Variants in RASSF10 observed in about 807,000 individuals in gnomAD.
The protein encoded by RASSF10 is Ras association domain family member 10.
A neutral mutation model predicts 41.5 loss-of-function variants in RASSF10; 22 were observed. The observed-to-expected ratio is 0.53, with a 90% CI of 0.38 to 0.76. The LOEUF (loss-of-function observed/expected upper bound fraction) is 0.76. Among genes scored for constraint, RASSF10 ranks in the 30% least tolerant of loss-of-function variants. The pLI is 0.00. For synonymous variants in RASSF10, 364 were observed against 319.0 expected (o/e 1.14, Z -1.50); for missense variants, 776 against 711.8 (o/e 1.09, Z -1.03).
In RASSF10 at chr11:13,010,419, A is replaced by C; in HGVS notation, c.843A>C (p.Ala281=). The C allele has an allele frequency of 6.5e-7, 1 of 1,547,516 alleles. No individual in the cohort carries two copies. Among genetic ancestry groups the C allele is most frequent in the Middle Eastern group, 1.7e-4 (1 of 5,910 alleles). ...NYVQDTYLVG[A]GIELDGSRPG... is the part of the protein sequence containing the mutation. ...TGCAGGACACTTACTTGGTTGGGGC[A>C]GGCATCGAGCTCGACGGGTCCAGAC... The change falls in exon 1 of 1, where the codon GCA becomes GCC. Residue 281 remains alanine (A), a synonymous_variant. Transcript: ENST00000529419. The surrounding 1 kb of genome is among the most constrained non-coding windows in gnomAD (Gnocchi z 4.8).
In RASSF10 at chr11:13,009,738, G is replaced by A. The variant is rs1322238835; in HGVS notation, c.162G>A (p.Ser54=). The A allele has an allele frequency of 1.9e-6, 3 of 1,579,792 alleles. No homozygotes were observed. The highest frequency in any genetic ancestry group is 2.3e-5 in the South Asian group (2 of 87,286). The change falls in exon 1 of 1, where the codon TCG becomes TCA. Residue 54 remains serine (S), a synonymous_variant. Transcript: ENST00000529419. ...AGCGGCGGAGCCGGCGGCTGGGGTC[G>A]GCCGGCGACCCGCATGGCCCGGGAG... ...RRQRRSRRLG[S]AGDPHGPGEL...
At position 13,011,964 on chromosome 11, in the gene RASSF10, A is replaced by C. The variant is rs1203364647; in HGVS notation, c.*864A>C. On this transcript the variant is annotated 3_prime_UTR_variant, in exon 1 of 1. Coordinates refer to ENST00000529419, the MANE Select transcript of RASSF10 (RefSeq NM_001080521.3). Reference sequence around the variant, plus strand: ...TCATTGACTCAATCACTGTTATTTCAGAAAAAAATAAAAGGAAGTAGCAGA... The same window carrying C: ...TCATTGACTCAATCACTGTTATTTCCGAAAAAAATAAAAGGAAGTAGCAGA... The C allele has an allele frequency of 1.3e-5, 2 of 152,250 alleles. No homozygotes were observed. Among genetic ancestry groups the C allele is most frequent in the African/African-American group, 4.8e-5 (2 of 41,474 alleles). 9.4% of individuals were successfully genotyped at this position (152,250 alleles called of 1,614,324 possible). A position where few individuals can be genotyped will look rare whatever the true frequency, so the allele number is the denominator to read the frequency against.
chr11:13,010,528 G>C lies in RASSF10; in HGVS notation c.952G>C (p.Ala318Pro). ...TCTAGCCGGCGAGGCGCAGGCGGCGGCGCTGGAGGAGCTGGCCCGGCGCTG... is the reference window on the plus strand; with the variant it reads ...TCTAGCCGGCGAGGCGCAGGCGGCGCCGCTGGAGGAGCTGGCCCGGCGCTG... ...PPLAGEAQAA[A>P]LEELARRCDD... The change falls in exon 1 of 1, where the codon GCG becomes CCG. Residue 318 changes from alanine (A) to proline (P), a missense_variant. Transcript: ENST00000529419. This position sits in a 1 kb window ranked among gnomAD's most constrained non-coding sequence, Gnocchi z 4.8. The C allele has an allele frequency of 6.6e-7, 1 of 1,523,918 alleles. No individual in the cohort carries two copies. The allele number at this position is 1,523,918 out of a possible 1,614,324, so 94.4% of individuals were successfully genotyped here.
chr11:13,009,647 G>A lies in RASSF10; in HGVS notation c.71G>A (p.Arg24His), dbSNP rs752932996. 27 of 1,607,512 alleles carry A rather than the reference G, an allele frequency of 1.7e-5. No homozygotes were observed. The highest frequency in any genetic ancestry group is 8.5e-7 in the Non-Finnish European group (1 of 1,177,556). ...GAGAAGCTGGTGTCCGGCCTCTCCC[G>A]CCGCACCACTTGCTCCGACGTTGTG... The part of the protein sequence containing the change: ...QEEKLVSGLS[R>H]RTTCSDVVRV... The change falls in exon 1 of 1, where the codon CGC becomes CAC. Residue 24 changes from arginine (R) to histidine (H), a missense_variant. By Grantham distance (29) the Arg-to-His change is conservative. Transcript: ENST00000529419.
At position 13,009,535 on chromosome 11, in the gene RASSF10, G is replaced by T; in HGVS notation, c.-42G>T. 1 of 1,586,618 alleles carries T rather than the reference G, an allele frequency of 6.3e-7. No homozygotes were observed. The highest frequency in any genetic ancestry group is 8.6e-7 in the Non-Finnish European group (1 of 1,164,974). ...TGCCCTTGCTGTCCTCGCCGCCCCAGCAGACCCCGGCCGGACCTGCCACCT... is the reference window on the plus strand; with the variant it reads ...TGCCCTTGCTGTCCTCGCCGCCCCATCAGACCCCGGCCGGACCTGCCACCT... On this transcript the variant is annotated 5_prime_UTR_variant, in exon 1 of 1. Transcript: ENST00000529419.
In RASSF10 at chr11:13,011,358, C is replaced by T. The variant is rs114447292; in HGVS notation, c.*258C>T. The T allele has an allele frequency of 1.3e-3, 534 of 419,644 alleles. 2 individuals are homozygous for T. The highest frequency in any genetic ancestry group is 9.3e-3 in the African/African-American group (476 of 51,456). The allele number at this position is 419,644 out of a possible 1,614,324, so 26.0% of individuals were successfully genotyped here. A position where few individuals can be genotyped will look rare whatever the true frequency, so the allele number is the denominator to read the frequency against. ...AGGGAGGAGGCAAGAACCCCCTATA[C>T]TGGAAAACAAACAACCCAAGGAAAT... On this transcript the variant is annotated 3_prime_UTR_variant, in exon 1 of 1. Coordinates refer to ENST00000529419, the MANE Select transcript of RASSF10 (RefSeq NM_001080521.3).
At position 13,010,566 on chromosome 11, in the gene RASSF10, G is replaced by C; in HGVS notation, c.990G>C (p.Leu330=). 1.3e-6 allele frequency: 2 copies of C among 1,551,332 alleles called. No homozygotes were observed. The highest frequency in any genetic ancestry group is 1.7e-6 in the Non-Finnish European group (2 of 1,146,348). ...TGGCCCGGCGCTGCGACGACTTGCT[G>C]CGGCTTCAGGAGCAACGGGTTCAGC... ...EELARRCDDL[L]RLQEQRVQQE... is the part of the protein sequence containing the mutation. Residue 330 remains leucine, a synonymous_variant, in exon 1 of 1, where the codon CTG becomes CTC. Transcript: ENST00000529419. The surrounding 1 kb of genome is among the most constrained non-coding windows in gnomAD (Gnocchi z 4.8).
Position 13,009,697 on chromosome 11 carries a change from C to G in RASSF10, c.121C>G (p.Arg41Gly). 1 of 1,593,874 alleles carries G rather than the reference C, an allele frequency of 6.3e-7. No individual in the cohort carries two copies. The highest frequency in any genetic ancestry group is 8.5e-7 in the Non-Finnish European group (1 of 1,170,394). ...GCGAGTGCTTTTGGAGGACGGCTGC[C>G]GGCGGCGACGGAGACAGCGGCGGAG... is the stretch of plus-strand genomic sequence containing the variant. ...VVRVLLEDGC[R>G]RRRRQRRSRR... The change falls in exon 1 of 1, where the codon CGG (arginine) becomes GGG (glycine). Residue 41 changes from arginine (R) to glycine (G), a missense_variant. Arg to Gly is a moderately radical substitution (Grantham distance 125). Transcript: ENST00000529419.
At position 13,009,742 on chromosome 11, in the gene RASSF10, G is replaced by A. The variant is rs1438522295; in HGVS notation, c.166G>A (p.Gly56Ser). ...QRRSRRLGSA[G>S]DPHGPGELPE... ...GCGGAGCCGGCGGCTGGGGTCGGCC[G>A]GCGACCCGCATGGCCCGGGAGAGCT... Residue 56 changes from glycine (G) to serine (S), a missense_variant, in exon 1 of 1, where the codon GGC (glycine) becomes AGC (serine). Coordinates refer to ENST00000529419, the MANE Select transcript of RASSF10 (RefSeq NM_001080521.3). 1 of 1,581,742 alleles carries A rather than the reference G, an allele frequency of 6.3e-7. No individual in the cohort carries two copies. Among genetic ancestry groups the A allele is most frequent in the African/African-American group, 1.3e-5 (1 of 74,286 alleles).
chr11:13,010,043 C>A lies in RASSF10; in HGVS notation c.467C>A (p.Pro156Gln). The A allele has an allele frequency of 6.5e-7, 1 of 1,544,902 alleles. No individual in the cohort carries two copies. The highest frequency in any genetic ancestry group is 8.7e-7 in the Non-Finnish European group (1 of 1,143,838). ...GTGCTGAGCCGAGAGCGCCCCTGTC[C>A]GGCCCGCGGGGCCCCGGCGCGGCCC... ...RVVLSRERPC[P>Q]ARGAPARPSL... Residue 156 changes from proline (P) to glutamine (Q), a missense_variant, in exon 1 of 1, where the codon CCG becomes CAG. Physicochemically the swap from Pro to Gln is moderately conservative, Grantham distance 76. Coordinates refer to ENST00000529419, the MANE Select transcript of RASSF10 (RefSeq NM_001080521.3). This position sits in a 1 kb window ranked among gnomAD's most constrained non-coding sequence, Gnocchi z 4.8.
In RASSF10 at chr11:13,009,812, T is replaced by C. The variant is rs762791777; in HGVS notation, c.236T>C (p.Leu79Pro). The C allele has an allele frequency of 2.1e-5, 33 of 1,607,516 alleles. No homozygotes were observed. The African/African-American group carries it at 4.4e-4, about 21-fold the overall frequency. ...GACGACGAGGACGACGACGAGGCGC[T>C]GCCGCAGGGCATGCTGTGCGGGCCC... Reference protein sequence around the residue: ...NEDDEDDDEALPQGMLCGPPQ... With the variant: ...NEDDEDDDEAPPQGMLCGPPQ... Residue 79 changes from leucine (L) to proline (P), a missense_variant, in exon 1 of 1, where the codon CTG becomes CCG. Transcript: ENST00000529419.
Position 13,009,738 on chromosome 11 carries a change from G to T in RASSF10, c.162G>T (p.Ser54=), listed in dbSNP as rs1322238835. 3 of 1,579,680 alleles carry T rather than the reference G, an allele frequency of 1.9e-6. No individual in the cohort carries two copies. The change falls in exon 1 of 1, where the codon TCG becomes TCT. Residue 54 remains serine (S), a synonymous_variant. Coordinates refer to ENST00000529419, the MANE Select transcript of RASSF10 (RefSeq NM_001080521.3). ...RRQRRSRRLG[S]AGDPHGPGEL... ...AGCGGCGGAGCCGGCGGCTGGGGTC[G>T]GCCGGCGACCCGCATGGCCCGGGAG...
In RASSF10 at chr11:13,011,085, C is replaced by A. The variant is rs1590033884; in HGVS notation, c.1509C>A (p.Cys503Ter). 6.7e-7 allele frequency: 1 copy of A among 1,499,516 alleles called. No individual in the cohort carries two copies. Among genetic ancestry groups the A allele is most frequent in the Non-Finnish European group, 8.9e-7 (1 of 1,119,722 alleles). 92.9% of individuals were successfully genotyped at this position (1,499,516 alleles called of 1,614,324 possible). The stretch of plus-strand genomic sequence containing the variant: ...AAGACTCGGACTCCTTGCCCATGTG[C>A]GAATCCCTTGTGTAGGGGTGGGGGG... ...HSQDSDSLPM[C>*]ESLV is the part of the protein sequence containing the mutation. Residue 503 changes from cysteine (C) to a stop codon, truncating the protein, a stop_gained, in exon 1 of 1, where the codon TGC becomes TGA. Coordinates refer to ENST00000529419, the MANE Select transcript of RASSF10 (RefSeq NM_001080521.3). LOFTEE classifies it high-confidence loss of function.
rs748025497 is a variant in RASSF10 at position 13,009,370 on chromosome 11, G to T, written c.-207G>T. On this transcript the variant is annotated 5_prime_UTR_variant, in exon 1 of 1. Coordinates refer to ENST00000529419, the MANE Select transcript of RASSF10 (RefSeq NM_001080521.3). ...GCGCGTTGCCCCGGGAGCGCCCGTCGTCCGGGCAGAGCGCAGCCGCAACCG... is the reference window on the plus strand; with the variant it reads ...GCGCGTTGCCCCGGGAGCGCCCGTCTTCCGGGCAGAGCGCAGCCGCAACCG... 8.1e-7 allele frequency: 1 copy of T among 1,230,910 alleles called. No homozygotes were observed. Among genetic ancestry groups the T allele is most frequent in the Non-Finnish European group, 1.1e-6 (1 of 874,644 alleles). 76.2% of individuals were successfully genotyped at this position (1,230,910 alleles called of 1,614,324 possible). A position where few individuals can be genotyped will look rare whatever the true frequency, so the allele number is the denominator to read the frequency against.
At position 13,010,545 on chromosome 11, in the gene RASSF10, C is replaced by G; in HGVS notation, c.969C>G (p.Ala323=). 6.5e-7 allele frequency: 1 copy of G among 1,534,200 alleles called. No homozygotes were observed. The highest frequency in any genetic ancestry group is 8.8e-7 in the Non-Finnish European group (1 of 1,138,098). ...AGGCGGCGGCGCTGGAGGAGCTGGC[C>G]CGGCGCTGCGACGACTTGCTGCGGC... The part of the protein sequence containing the change: ...EAQAAALEEL[A]RRCDDLLRLQ... The change falls in exon 1 of 1, where the codon GCC becomes GCG. Residue 323 remains alanine (A), a synonymous_variant. Transcript: ENST00000529419. This position sits in a 1 kb window ranked among gnomAD's most constrained non-coding sequence, Gnocchi z 4.8.
chr11:13,009,380 A>T lies in RASSF10; in HGVS notation c.-197A>T. 7.7e-7 allele frequency: 1 copy of T among 1,295,148 alleles called. No homozygotes were observed. The highest frequency in any genetic ancestry group is 1.1e-6 in the Non-Finnish European group (1 of 940,136). The allele number at this position is 1,295,148 out of a possible 1,614,324, so 80.2% of individuals were successfully genotyped here. A position where few individuals can be genotyped will look rare whatever the true frequency, so the allele number is the denominator to read the frequency against. ...CCGGGAGCGCCCGTCGTCCGGGCAG[A>T]GCGCAGCCGCAACCGCGACCACAGC... On this transcript the variant is annotated 5_prime_UTR_variant, in exon 1 of 1. Coordinates refer to ENST00000529419, the MANE Select transcript of RASSF10 (RefSeq NM_001080521.3).
Position 13,011,081 on chromosome 11 carries a change from T to A in RASSF10, c.1505T>A (p.Met502Lys), listed in dbSNP as rs767029178. ...AGCCAAGACTCGGACTCCTTGCCCA[T>A]GTGCGAATCCCTTGTGTAGGGGTGG... ...MHSQDSDSLP[M>K]CESLV Residue 502 changes from methionine to lysine, a missense_variant, in exon 1 of 1, where the codon ATG becomes AAG. Met to Lys is a moderately conservative substitution (Grantham distance 95). Coordinates refer to ENST00000529419, the MANE Select transcript of RASSF10 (RefSeq NM_001080521.3). The A allele has an allele frequency of 7.8e-7, 1 of 1,280,932 alleles. No homozygotes were observed. Among genetic ancestry groups the A allele is most frequent in the South Asian group, 1.2e-5 (1 of 80,544 alleles). 79.3% of individuals were successfully genotyped at this position (1,280,932 alleles called of 1,614,324 possible). A position where few individuals can be genotyped will look rare whatever the true frequency, so the allele number is the denominator to read the frequency against.
chr11:13,009,467 G>C lies in RASSF10; in HGVS notation c.-110G>C, dbSNP rs774031171. On this transcript the variant is annotated 5_prime_UTR_variant, in exon 1 of 1. Transcript: ENST00000529419. ...GGGGAACAGGGCTAGTGCAGCCGCC[G>C]GAGGGGGGCACGGGCTCCTCTCCCA... is the stretch of plus-strand genomic sequence containing the variant. 1 of 1,512,726 alleles carries C rather than the reference G, an allele frequency of 6.6e-7. No homozygotes were observed. The highest frequency in any genetic ancestry group is 8.8e-7 in the Non-Finnish European group (1 of 1,134,014). 93.7% of individuals were successfully genotyped at this position (1,512,726 alleles called of 1,614,324 possible). A position where few individuals can be genotyped will look rare whatever the true frequency, so the allele number is the denominator to read the frequency against.
At position 13,009,375 on chromosome 11, in the gene RASSF10, G is replaced by C. The variant is rs374886126; in HGVS notation, c.-202G>C. ...TTGCCCCGGGAGCGCCCGTCGTCCG[G>C]GCAGAGCGCAGCCGCAACCGCGACC... is the stretch of plus-strand genomic sequence containing the variant. On this transcript the variant is annotated 5_prime_UTR_variant, in exon 1 of 1. Transcript: ENST00000529419. 1 of 1,264,436 alleles carries C rather than the reference G, an allele frequency of 7.9e-7. No homozygotes were observed. The highest frequency in any genetic ancestry group is 1.1e-6 in the Non-Finnish European group (1 of 907,982). The allele number at this position is 1,264,436 out of a possible 1,614,324, so 78.3% of individuals were successfully genotyped here.
Sources: allele counts gnomAD v4.1 joint callset, GRCh38; gene constraint gnomAD v4.1.1; non-coding constraint Gnocchi (gnomAD v3.1); transcripts MANE v1.5; gene names NCBI Gene and HGNC (gene_info 2026-07-23, HGNC 2026-07-21).